ARNT2: variants seen among roughly 807,000 people sequenced by gnomAD.
ARNT2 encodes ARNT protein 2.
Under a neutral mutation model 91.7 loss-of-function variants are expected in ARNT2, and 36 were observed. The ratio of observed to expected loss-of-function variants is 0.39; its 90% CI spans 0.30 to 0.52. The LOEUF is 0.52. ARNT2 is among the 20% of genes least tolerant of loss of function. The pLI, the probability that ARNT2 is intolerant of heterozygous loss-of-function variation, is 0.72. For missense variants in ARNT2, 775 were observed against 939.3 expected, an observed-to-expected ratio of 0.83 and a Z score of 2.29; for synonymous variants, 365 against 347.1, an observed-to-expected ratio of 1.05 and a Z score of -0.57.
Position 80,462,376 on chromosome 15 carries a change from G to T in ARNT2, c.194+4400G>T, listed in dbSNP as rs191011990. 7.7e-4 allele frequency among the ~76,000 whole-genome samples: 118 copies of T among 152,312 alleles called. 1 individual carries two copies. Among genetic ancestry groups the T allele is most frequent in the Admixed American group, 3.3e-3 (50 of 15,292 alleles). On this transcript the variant is annotated intron_variant, in intron 3 of 18. Transcript: ENST00000303329. ...ACACCGTGCTCATCGTGTGCCTTACGTATGTGAATGTATGCGTAATGTGTC... is the reference window on the plus strand; with the variant it reads ...ACACCGTGCTCATCGTGTGCCTTACTTATGTGAATGTATGCGTAATGTGTC...
At chr15:80,428,455 A>T (rs1895962295) in intron 1 of ARNT2, among the ~76,000 whole-genome samples, 1 of 152,240 alleles carries the variant, frequency 6.6e-6, no homozygotes, top group African/African-American at 2.4e-5. Context: ...GTTCTTATCC[A>T]CAGGGTTGTG....
Position 80,581,316 on chromosome 15 carries a change from C to G in ARNT2, c.1830C>G (p.Pro610=). Reference sequence around the variant, plus strand: ...CGAGCCACACCTACCCGGCAGACCCCTCTTCCTACAGCCCCCTCTCCAGCC... The same window carrying G: ...CGAGCCACACCTACCCGGCAGACCCGTCTTCCTACAGCCCCCTCTCCAGCC... ...IGTSHTYPAD[P]SSYSPLSSPA... Residue 610 remains proline (P), a synonymous_variant, in exon 17 of 19, where the codon CCC becomes CCG. Transcript: ENST00000303329. The G allele has an allele frequency of 6.2e-7, 1 of 1,614,204 alleles. No individual in the cohort carries two copies. The highest frequency in any genetic ancestry group is 8.5e-7 in the Non-Finnish European group (1 of 1,180,036).
chr15:80,412,879 G>A (rs1242495642), intron 1 of ARNT2, among the ~76,000 whole-genome samples: 1 of 152,234 alleles, frequency 6.6e-6, no homozygotes, highest in East Asian at 1.9e-4. Context: ...GAGGCTCAGA[G>A]ATTTATCTGG....
intron 2 of ARNT2, among the ~76,000 whole-genome samples, chr15:80,456,601 C>A (rs1377465292): frequency 6.6e-6 from 1 of 152,190 alleles, no homozygotes; most frequent in South Asian, 2.1e-4. Context: ...TGCACCTAAA[C>A]CCCTAGAGAC....
At position 80,409,363 on chromosome 15, in the gene ARNT2, A is replaced by G. The variant is rs1021848863; in HGVS notation, c.31+4817A>G. On this transcript the variant is annotated intron_variant, in intron 1 of 18. Coordinates refer to ENST00000303329, the MANE Select transcript of ARNT2 (RefSeq NM_014862.4). Reference sequence around the variant, plus strand: ...TTTTCAAACTGGCATTTTTCACTTAATAATATGCATTTACATTTTCTCTGT... The same window carrying G: ...TTTTCAAACTGGCATTTTTCACTTAGTAATATGCATTTACATTTTCTCTGT... Among the ~76,000 whole-genome samples, 20 of 152,306 alleles carry G rather than the reference A, an allele frequency of 1.3e-4. 1 individual carries two copies. Among genetic ancestry groups the G allele is most frequent in the African/African-American group, 4.8e-4 (20 of 41,562 alleles).
At chr15:80,409,696 G>T (rs1022637653) in intron 1 of ARNT2, among the ~76,000 whole-genome samples, 5 of 152,200 alleles carry the variant, frequency 3.3e-5, no homozygotes, top group Non-Finnish European at 7.3e-5. Context: ...TATGAAAAGT[G>T]TAAATGTTAT....
At chr15:80,458,820 C>G (rs1346848195) in intron 3 of ARNT2, among the ~76,000 whole-genome samples, 1 of 152,154 alleles carries the variant, frequency 6.6e-6, no homozygotes, top group Non-Finnish European at 1.5e-5. Context: ...ACTAGCCAAG[C>G]CTCCAAGCCT....
intron 1 of ARNT2, among the ~76,000 whole-genome samples, chr15:80,416,291 GT>G (rs34998163): frequency 2.8e-4 from 42 of 149,688 alleles, no homozygotes; most frequent in Middle Eastern, 3.4e-3. Flanking sequence ...GGCTTTATCA[GT>G]TTTTTTTTTC....
At chr15:80,581,195 C>A in intron 16 of ARNT2, 44 bp from the exon 17 acceptor site, 1 of 1,607,836 alleles carries the variant, frequency 6.2e-7, no homozygotes, top group South Asian at 1.1e-5. Context: ...GTGCAGGGGT[C>A]TGCTGGTGAT....
At chr15:80,547,777 TG>T (rs1898014227) in intron 8 of ARNT2, among the ~76,000 whole-genome samples, 1 of 152,188 alleles carries the variant, frequency 6.6e-6, no homozygotes, top group South Asian at 2.1e-4. Flanking sequence ...AGATACATGG[TG>T]GTATTAACAA....
At chr15:80,425,644 G>T (rs1272168429) in intron 1 of ARNT2, among the ~76,000 whole-genome samples, 2 of 151,934 alleles carry the variant, frequency 1.3e-5, no homozygotes, top group African/African-American at 2.4e-5. Flanking sequence ...ATATGTGTGT[G>T]CCATGATGGT....
chr15:80,428,990 C>T (rs766514281), intron 1 of ARNT2, among the ~76,000 whole-genome samples: 1 of 152,130 alleles, frequency 6.6e-6, no homozygotes, highest in South Asian at 2.1e-4. Flanking sequence ...ATTCCAAATC[C>T]CCCTTTAAAA....
intron 17 of ARNT2, among the ~76,000 whole-genome samples, chr15:80,587,972 G>A (rs985910319): frequency 1.4e-4 from 21 of 152,290 alleles, no homozygotes; most frequent in African/African-American, 4.6e-4. Flanking sequence ...CATAGACCGC[G>A]GTCAACCACT....
At chr15:80,535,008 G>A (rs1055185190) in intron 8 of ARNT2, among the ~76,000 whole-genome samples, 1 of 152,154 alleles carries the variant, frequency 6.6e-6, no homozygotes, top group African/African-American at 2.4e-5. Flanking sequence ...TCAGGAAGAT[G>A]GTGGATCAGC....
Position 80,475,164 on chromosome 15 carries a change from A to T in ARNT2, c.563A>T (p.His188Leu). The T allele has an allele frequency of 6.2e-7, 1 of 1,614,204 alleles. No homozygotes were observed. Among genetic ancestry groups the T allele is most frequent in the Non-Finnish European group, 8.5e-7 (1 of 1,180,038 alleles). The stretch of plus-strand genomic sequence containing the variant: ...GGGAGCACACTGTATGAACAGGTGC[A>T]TCCTGATGACGTGGAGAAGCTGAGA... ...WFGSTLYEQV[H>L]PDDVEKLREQ... Residue 188 changes from histidine (H) to leucine (L), a missense_variant, in exon 5 of 19, where the codon CAT (histidine) becomes CTT (leucine). His to Leu is a moderately conservative substitution (Grantham distance 99, BLOSUM62 -3). Around this residue, in one of 5 missense-constraint regions of ARNT2, gnomAD observed 285 missense variants for 327.2 expected, o/e 0.87. Transcript: ENST00000303329.
chr15:80,443,436 G>A (rs901066125), intron 1 of ARNT2, among the ~76,000 whole-genome samples: 1 of 152,184 alleles, frequency 6.6e-6, no homozygotes, highest in Non-Finnish European at 1.5e-5. Context: ...AAGGACAAGA[G>A]TGGAATGCAG....
chr15:80,501,913 G>A (rs1282915574), intron 5 of ARNT2, among the ~76,000 whole-genome samples: 1 of 152,214 alleles, frequency 6.6e-6, no homozygotes, highest in Non-Finnish European at 1.5e-5. Context: ...ATTTGAAATA[G>A]CGTAATTACT....
chr15:80,592,249 C>T (rs946447534), intron 18 of ARNT2, among the ~76,000 whole-genome samples: 4 of 152,228 alleles, frequency 2.6e-5, no homozygotes, highest in Non-Finnish European at 5.9e-5. Context: ...GACCATCCCT[C>T]GTGTCTAAGG....
chr15:80,581,873 G>A (rs752544257), intron 17 of ARNT2, among the ~76,000 whole-genome samples: 23 of 152,172 alleles, frequency 1.5e-4, no homozygotes, highest in Non-Finnish European at 2.6e-4. Context: ...TTAAGGAACC[G>A]CTGTGTCCTG....
Sources: gnomAD v4.1 joint callset for allele counts (sites outside exome capture counted in the v4.1 genomes callset) on GRCh38, gnomAD v4.1.1 for gene constraint, gnomAD v4.1.1 regional missense constraint, MANE v1.5 for transcripts, NCBI Gene and HGNC (gene_info 2026-07-23, HGNC 2026-07-21) for gene names.